PATJ: variants seen among roughly 807,000 people sequenced by gnomAD.
PATJ encodes the protein PATJ crumbs cell polarity complex component, also known as inaD-like protein.
In PATJ, 190 loss-of-function variants were observed where a neutral mutation model predicts 224.9. That is an observed-to-expected ratio of 0.84 (90% CI 0.75 to 0.95). PATJ has a LOEUF of 0.95. Ranked by LOEUF, PATJ falls within the 40% of genes least tolerant of loss-of-function variation. The probability of loss-of-function intolerance (pLI) is 0.00; values close to 1 mark genes in which losing one functional copy is unlikely to be tolerated. For missense variants in PATJ, 2,121 were observed against 2,270.3 expected, an observed-to-expected ratio of 0.93 and a Z score of 1.34; for synonymous variants, 769 against 820.3, an observed-to-expected ratio of 0.94 and a Z score of 1.07.
At chr1:61,812,435 T>A (rs2811328) in intron 14 of PATJ, among the ~76,000 whole-genome samples, 5,914 of 57,644 alleles carry the variant, frequency 0.1, 178 homozygotes, top group African/African-American at 0.22. Flanking sequence ...AGAGAGAGAG[T>A]GTGTGTGTGT....
At chr1:61,946,542 T>G (rs1014221524) in intron 27 of PATJ, among the ~76,000 whole-genome samples, 1 of 152,072 alleles carries the variant, frequency 6.6e-6, no homozygotes. Context: ...CTGAATAGAC[T>G]AATAACAGGT....
At chr1:61,948,620 T>A (rs1679130789) in intron 27 of PATJ, among the ~76,000 whole-genome samples, 1 of 152,232 alleles carries the variant, frequency 6.6e-6, no homozygotes, top group African/African-American at 2.4e-5. Context: ...TTGGTGGGAC[T>A]GTAAACTAGT....
intron 35 of PATJ, among the ~76,000 whole-genome samples, chr1:62,115,764 T>A (rs1234834717): frequency 6.6e-6 from 1 of 151,724 alleles, no homozygotes; most frequent in East Asian, 1.9e-4. Context: ...AGACCTCTGG[T>A]GACTAGCCTA....
intron 12 of PATJ, 96 bp from the exon 13 acceptor site, chr1:61,805,352 A>C (rs1005831374): frequency 5.3e-6 from 4 of 748,548 alleles, no homozygotes; most frequent in Non-Finnish European, 2.3e-6. Context: ...TACTTACTGA[A>C]ACTGGGCTGT....
At chr1:61,869,214 C>G (rs1418800255) in intron 20 of PATJ, among the ~76,000 whole-genome samples, 1 of 145,820 alleles carries the variant, frequency 6.9e-6, no homozygotes, top group Non-Finnish European at 1.5e-5. Flanking sequence ...TCACGCCATT[C>G]TCCTGCCTCA....
intron 27 of PATJ, among the ~76,000 whole-genome samples, chr1:61,963,361 AAGGCAGGT>A (rs149438190): frequency 0.011 from 1,709 of 152,164 alleles, 37 homozygotes; most frequent in African/African-American, 0.038. Context: ...TTGGGAGGCC[AAGGCAGGT>A]AGATTGCTTG....
chr1:61,873,415 C>T (rs1666917148), intron 20 of PATJ, among the ~76,000 whole-genome samples: 1 of 152,132 alleles, frequency 6.6e-6, no homozygotes, highest in Non-Finnish European at 1.5e-5. Flanking sequence ...GTGATCTACA[C>T]ATTTTGGCCT....
chr1:61,989,028 T>A (rs140362148), intron 27 of PATJ, among the ~76,000 whole-genome samples: 1 of 152,174 alleles, frequency 6.6e-6, no homozygotes, highest in Non-Finnish European at 1.5e-5. Context: ...TTGAGTGTGG[T>A]GGCACACCTG....
At chr1:62,080,063 A>T (rs1659020588) in intron 32 of PATJ, among the ~76,000 whole-genome samples, 1 of 151,630 alleles carries the variant, frequency 6.6e-6, no homozygotes, top group Admixed American at 6.6e-5. Flanking sequence ...GGACCTCAGT[A>T]AATGTTATTT....
At chr1:61,978,838 T>C (rs1209692757) in intron 27 of PATJ, among the ~76,000 whole-genome samples, 2 of 152,094 alleles carry the variant, frequency 1.3e-5, no homozygotes, top group Admixed American at 1.3e-4. Context: ...ATTATTCCAG[T>C]GTGTTGAACA....
chr1:61,805,352 A>G (rs1005831374), intron 12 of PATJ, 96 bp from the exon 13 acceptor site: 3 of 748,548 alleles, frequency 4.0e-6, no homozygotes, highest in African/African-American at 3.5e-5. Flanking sequence ...TACTTACTGA[A>G]ACTGGGCTGT....
chr1:62,085,383 AG>A (rs1659835686), intron 33 of PATJ, among the ~76,000 whole-genome samples: 1 of 151,884 alleles, frequency 6.6e-6, no homozygotes, highest in Non-Finnish European at 1.5e-5. Flanking sequence ...AACTTTCATC[AG>A]GATTTTCTCC....
intron 22 of PATJ, among the ~76,000 whole-genome samples, chr1:61,896,295 C>A (rs1258817792): frequency 1.2e-4 from 17 of 144,024 alleles, no homozygotes; most frequent in South Asian, 4.6e-4. Flanking sequence ...GACTCCATCT[C>A]AAAAAAAAAA....
chr1:62,126,379 T>G (rs1665721092), intron 39 of PATJ, among the ~76,000 whole-genome samples: 1 of 152,138 alleles, frequency 6.6e-6, no homozygotes, highest in South Asian at 2.1e-4. Context: ...CCACCATACT[T>G]TATTTGGTTT....
chr1:62,158,543 A>C (rs977352977), intron 43 of PATJ, among the ~76,000 whole-genome samples: 2 of 147,798 alleles, frequency 1.4e-5, no homozygotes, highest in African/African-American at 4.9e-5. Context: ...CACGGTAAAA[A>C]ACTCCGTCTC....
chr1:62,158,934 A>G (rs1312091539), intron 43 of PATJ, among the ~76,000 whole-genome samples: 1 of 152,072 alleles, frequency 6.6e-6, no homozygotes, highest in Admixed American at 6.6e-5. Flanking sequence ...GGGCGACAAG[A>G]GTGAAACTCC....
rs977448810 is a variant in PATJ at position 61,811,789 on chromosome 1, C to T, written c.1683+3259C>T. 2.0e-5 allele frequency among the ~76,000 whole-genome samples: 3 copies of T among 150,916 alleles called. No individual in the cohort carries two copies. The South Asian group carries it at 6.4e-4, about 32-fold the overall frequency. On this transcript the variant is annotated intron_variant, in intron 14 of 43. Transcript: ENST00000642238. ...AAAAAAAAAAAATCTAGGCTGGACG[C>T]GGTGGCTCACGCCTGTAATCCCAGC...
chr1:61,774,316 G>T (rs1375702284), intron 6 of PATJ, among the ~76,000 whole-genome samples: 2 of 151,900 alleles, frequency 1.3e-5, no homozygotes, highest in African/African-American at 4.8e-5. Context: ...GAAAAACTAA[G>T]TAATGAGTAT....
intron 9 of PATJ, 36 bp from the exon 10 acceptor site, chr1:61,795,431 T>G (rs771940774): frequency 1.5e-6 from 2 of 1,338,936 alleles, no homozygotes; most frequent in Non-Finnish European, 1.0e-6. Context: ...CTAATTAGAA[T>G]TTTCTTCCTT....
Sources: gnomAD v4.1 joint callset for allele counts (sites outside exome capture counted in the v4.1 genomes callset) on GRCh38, gnomAD v4.1.1 for gene constraint, MANE v1.5 for transcripts, NCBI Gene and HGNC (gene_info 2026-07-23, HGNC 2026-07-21) for gene names.